Variants in STARD13 observed in about 807,000 individuals in gnomAD.
The protein encoded by STARD13 is stAR-related lipid transfer protein 13.
Under a neutral mutation model 106.4 loss-of-function variants are expected in STARD13, and 62 were observed. The observed-to-expected ratio is 0.58, with a 90% confidence interval of 0.48 to 0.72. STARD13 has a LOEUF of 0.72. Among genes scored for constraint, STARD13 ranks in the 30% least tolerant of loss-of-function variants. The pLI is 0.00. For synonymous variants in STARD13, 565 were observed against 553.0 expected, an observed-to-expected ratio of 1.02 and a Z score of -0.31; for missense variants, 1,387 against 1,424.0, an observed-to-expected ratio of 0.97 and a Z score of 0.42.
At chr13:33,457,271 C>T in the STARD13 span, among the ~76,000 whole-genome samples, 1 of 152,198 alleles carries the variant, frequency 6.6e-6, no homozygotes, top group African/African-American at 2.4e-5. Flanking sequence ...TAAACAACCA[C>T]TTTATTTGTT....
the STARD13 span, among the ~76,000 whole-genome samples, chr13:33,515,068 TA>T: frequency 6.6e-6 from 1 of 152,152 alleles, no homozygotes; most frequent in Non-Finnish European, 1.5e-5. Context: ...GCCAGAGTAC[TA>T]GAGGCTGGAT....
rs186932221 is a variant in STARD13 at position 33,115,136 on chromosome 13, T to C, written c.2282-2205A>G. On this transcript the variant is annotated intron_variant, in intron 8 of 13. Coordinates refer to ENST00000336934, the MANE Select transcript of STARD13 (RefSeq NM_178006.4). Reference sequence around the variant, plus strand: ...TCTTTGACTCTTCTATCCTTCTCCCTCCTCCAGATGGGTAGGACTCAAATA... The same window carrying C: ...TCTTTGACTCTTCTATCCTTCTCCCCCCTCCAGATGGGTAGGACTCAAATA... 7.9e-5 allele frequency among the ~76,000 whole-genome samples: 12 copies of C among 152,210 alleles called. No homozygotes were observed. In the East Asian group the frequency reaches 2.3e-3, roughly 29 times the overall value.
chr13:33,139,583 T>TTC lies in STARD13; in HGVS notation c.387+2725_387+2726dup, dbSNP rs370562176. ...TTGGAGGTGGGGATTCTATTTCTAT[T>TTC]TCTTGGATGGCTTAACATGGGGACT... On this transcript the variant is annotated intron_variant, in intron 4 of 13. Coordinates refer to ENST00000336934, the MANE Select transcript of STARD13 (RefSeq NM_178006.4). 1.1e-3 allele frequency among the ~76,000 whole-genome samples: 169 copies of TTC among 152,314 alleles called. 1 individual carries two copies. The highest frequency in any genetic ancestry group is 3.8e-3 in the African/African-American group (156 of 41,572).
intron 1 of STARD13, among the ~76,000 whole-genome samples, chr13:33,182,721 C>A (rs1885361194): frequency 6.6e-6 from 1 of 152,208 alleles, no homozygotes; most frequent in African/African-American, 2.4e-5. Flanking sequence ...TTGGTTTAGA[C>A]TCTCATTTTG....
chr13:33,674,007 T>C, the STARD13 span, among the ~76,000 whole-genome samples: 222 of 152,030 alleles, frequency 1.5e-3, 1 homozygote, highest in Middle Eastern at 3.4e-3. Context: ...ATTACAGGCA[T>C]GCACCACATG....
chr13:33,241,709 T>A (rs964170843), intron 1 of STARD13, among the ~76,000 whole-genome samples: 1 of 151,862 alleles, frequency 6.6e-6, no homozygotes, highest in African/African-American at 2.4e-5. Flanking sequence ...CCTGACTGGT[T>A]TTCGTATTTT....
chr13:33,197,649 G>A (rs553225208), intron 1 of STARD13, among the ~76,000 whole-genome samples: 1 of 152,324 alleles, frequency 6.6e-6, no homozygotes, highest in South Asian at 2.1e-4. Context: ...TGCTGCTGAC[G>A]CAGTAAGTGC....
chr13:33,422,067 T>G, the STARD13 span, among the ~76,000 whole-genome samples: 1 of 152,168 alleles, frequency 6.6e-6, no homozygotes, highest in African/African-American at 2.4e-5. Context: ...ACCATTCCTA[T>G]TCAACACAGT....
the STARD13 span, among the ~76,000 whole-genome samples, chr13:33,537,682 C>G: frequency 7.8e-4 from 119 of 151,772 alleles, 1 homozygote; most frequent in Admixed American, 3.7e-3. Context: ...TATTTCTTTA[C>G]TGGCATAAAA....
intron 1 of STARD13, among the ~76,000 whole-genome samples, chr13:33,198,267 A>G (rs945118534): frequency 6.6e-6 from 1 of 152,192 alleles, no homozygotes; most frequent in African/African-American, 2.4e-5. Context: ...TTCTTTATTA[A>G]CCAAGCCCAC....
chr13:33,140,107 C>A (rs1045332980), intron 4 of STARD13, among the ~76,000 whole-genome samples: 2 of 152,166 alleles, frequency 1.3e-5, no homozygotes, highest in Non-Finnish European at 2.9e-5. Flanking sequence ...TACAGAGGAG[C>A]TTTTGTGGAG....
At chr13:33,120,250 G>A (rs1876062362) in intron 7 of STARD13, among the ~76,000 whole-genome samples, 2 of 152,156 alleles carry the variant, frequency 1.3e-5, no homozygotes, top group African/African-American at 4.8e-5. Context: ...TTAAATTGTC[G>A]AGCACGTTCC....
the STARD13 span, among the ~76,000 whole-genome samples, chr13:33,570,569 G>T: frequency 1.4e-5 from 2 of 140,794 alleles, 1 homozygote; most frequent in Admixed American, 1.5e-4. Flanking sequence ...CTACTAGGTG[G>T]ATTGCTTTTT....
chr13:33,528,441 TTTTC>T, the STARD13 span, among the ~76,000 whole-genome samples: 1 of 150,628 alleles, frequency 6.6e-6, no homozygotes, highest in Non-Finnish European at 1.5e-5. Flanking sequence ...GCCAACTTTT[TTTTC>T]TTTATTTTTG....
At chr13:33,236,758 G>GAGGAC (rs1388517556) in intron 1 of STARD13, among the ~76,000 whole-genome samples, 1 of 152,214 alleles carries the variant, frequency 6.6e-6, no homozygotes. Flanking sequence ...TGCGGACAGT[G>GAGGAC]AGGACAGTGC....
the STARD13 span, among the ~76,000 whole-genome samples, chr13:33,506,329 C>A: frequency 6.6e-6 from 1 of 152,122 alleles, no homozygotes; most frequent in African/African-American, 2.4e-5. Context: ...GAACAACTAA[C>A]AAACTATACT....
the STARD13 span, among the ~76,000 whole-genome samples, chr13:33,556,529 A>T: frequency 1.3e-5 from 2 of 152,036 alleles, no homozygotes; most frequent in African/African-American, 4.8e-5. Context: ...TGACCCTCCC[A>T]CCTTAGTGTC....
the STARD13 span, among the ~76,000 whole-genome samples, chr13:33,476,176 A>C: frequency 6.6e-6 from 1 of 152,144 alleles, no homozygotes; most frequent in Non-Finnish European, 1.5e-5. Flanking sequence ...ATTTCCCTCA[A>C]ATTACTTTAA....
chr13:33,640,963 C>A, the STARD13 span, among the ~76,000 whole-genome samples: 1 of 152,184 alleles, frequency 6.6e-6, no homozygotes, highest in African/African-American at 2.4e-5. Context: ...TACACAGGAG[C>A]CTTCAGAATG....
Sources: allele counts gnomAD v4.1 joint callset (sites outside exome capture counted in the v4.1 genomes callset), GRCh38; gene constraint gnomAD v4.1.1; transcripts MANE v1.5; gene names NCBI Gene and HGNC (gene_info 2026-07-23, HGNC 2026-07-21).